The following HPSE2 variants were observed in gnomAD, a reference collection of about 807,000 sequenced individuals.
HPSE2 encodes heparanase 2 (inactive), also known as inactive heparanase-2.
In HPSE2, 38 loss-of-function variants were observed where a neutral mutation model predicts 60.5. That is an observed-to-expected ratio of 0.63 (90% CI 0.48 to 0.82). The LOEUF is 0.82. Ranked by LOEUF, HPSE2 falls within the 40% of genes least tolerant of loss-of-function variation. HPSE2 has a pLI of 0.00. For missense variants in HPSE2, 713 were observed against 740.4 expected (o/e 0.96, Z 0.43); for synonymous variants, 295 against 293.2 (o/e 1.01, Z -0.06).
chr10:99,306,551 A>G, the HPSE2 span, among the ~76,000 whole-genome samples: 50 of 152,192 alleles, frequency 3.3e-4, no homozygotes, highest in African/African-American at 1.1e-3. Context: ...CTCTTGGTGT[A>G]TGTGTGGCAT....
intron 3 of HPSE2, among the ~76,000 whole-genome samples, chr10:99,090,690 A>G (rs911119561): frequency 2.6e-5 from 4 of 152,132 alleles, no homozygotes; most frequent in African/African-American, 9.6e-5. Flanking sequence ...TTCATCTGTT[A>G]TAACATTATT....
At chr10:98,555,955 A>G (rs1589415739) in intron 9 of HPSE2, among the ~76,000 whole-genome samples, 1 of 152,338 alleles carries the variant, frequency 6.6e-6, no homozygotes, top group South Asian at 2.1e-4. Flanking sequence ...CAGCCTTGAA[A>G]GCATACTAAG....
chr10:98,888,468 A>G (rs1953237284), intron 3 of HPSE2, among the ~76,000 whole-genome samples: 1 of 152,196 alleles, frequency 6.6e-6, no homozygotes, highest in African/African-American at 2.4e-5. Context: ...GTGAGCTTCT[A>G]TGAGAAAACA....
intron 11 of HPSE2, 93 bp downstream of exon 11, chr10:98,482,543 G>T: frequency 6.7e-7 from 1 of 1,503,322 alleles, no homozygotes; most frequent in Non-Finnish European, 9.2e-7. Context: ...CTGAGCCCTT[G>T]AGAGAATTAG....
At chr10:98,964,553 A>C (rs971956034) in intron 3 of HPSE2, among the ~76,000 whole-genome samples, 4 of 152,014 alleles carry the variant, frequency 2.6e-5, no homozygotes, top group Non-Finnish European at 5.9e-5. Flanking sequence ...CCCACCCACT[A>C]ATCACTCTAC....
rs1384670677 is a variant in HPSE2, at chr10:98,819,287, T to C, written c.611-75231A>G. On this transcript the variant is annotated intron_variant, in intron 3 of 11. Coordinates refer to ENST00000370552, the MANE Select transcript of HPSE2 (RefSeq NM_021828.5). ...TCAACACTGGGGCAATCCTCTGTAT[T>C]TGACACTCATCAGCCTCAACCAGTT... Among the ~76,000 whole-genome samples the C allele has an allele frequency of 2.6e-5, 4 of 152,192 alleles. No individual in the cohort carries two copies. The East Asian group carries it at 7.7e-4, about 29-fold the overall frequency.
intron 4 of HPSE2, among the ~76,000 whole-genome samples, chr10:98,735,967 A>T (rs1949346603): frequency 6.6e-6 from 1 of 152,058 alleles, no homozygotes; most frequent in Non-Finnish European, 1.5e-5. Context: ...GGAAGGCATG[A>T]TTGGTTTTTA....
At chr10:98,603,717 C>T (rs1008913238) in intron 9 of HPSE2, among the ~76,000 whole-genome samples, 8 of 152,036 alleles carry the variant, frequency 5.3e-5, no homozygotes, top group East Asian at 3.9e-4. Flanking sequence ...TGTGAGCCAC[C>T]GTGCCTGGCC....
chr10:99,150,078 G>A (rs955620682), intron 2 of HPSE2, among the ~76,000 whole-genome samples: 1 of 151,998 alleles, frequency 6.6e-6, no homozygotes, highest in Admixed American at 6.6e-5. Flanking sequence ...ACAATTCAAG[G>A]ATGCCAAAAT....
chr10:98,857,406 A>G (rs377531506), intron 3 of HPSE2, among the ~76,000 whole-genome samples: 13 of 152,152 alleles, frequency 8.5e-5, no homozygotes, highest in African/African-American at 1.7e-4. Flanking sequence ...CAGTCCTCCA[A>G]TTGTGAGTTC....
chr10:99,121,427 T>C (rs1239793434), intron 3 of HPSE2, among the ~76,000 whole-genome samples: 2 of 152,066 alleles, frequency 1.3e-5, no homozygotes, highest in Non-Finnish European at 2.9e-5. Context: ...CCTGCACATG[T>C]ACCACTGAAC....
intron 2 of HPSE2, among the ~76,000 whole-genome samples, chr10:99,198,057 G>A (rs927109120): frequency 6.7e-5 from 10 of 148,366 alleles, no homozygotes; most frequent in Non-Finnish European, 1.5e-4. Context: ...AACAGAGCAA[G>A]ACTCCGTCTC....
chr10:98,706,473 A>G (rs1948551610), intron 5 of HPSE2, among the ~76,000 whole-genome samples: 1 of 152,174 alleles, frequency 6.6e-6, no homozygotes, highest in South Asian at 2.1e-4. Flanking sequence ...GGAGACAGAA[A>G]TGTGGACAAG....
intron 2 of HPSE2, among the ~76,000 whole-genome samples, chr10:99,151,285 A>G: frequency 6.6e-6 from 1 of 152,122 alleles, no homozygotes. Flanking sequence ...GTGAATAGAA[A>G]TGACCTAACC....
At position 98,490,052 on chromosome 10, in the gene HPSE2, TGTG is replaced by T. The variant is rs1941585117; in HGVS notation, c.1462_1464del (p.His488del). The T allele has an allele frequency of 1.2e-6, 2 of 1,612,648 alleles. No individual in the cohort carries two copies. Among genetic ancestry groups the T allele is most frequent in the South Asian group, 2.2e-5 (2 of 91,078 alleles). ...TCTGCCATCTTTCTGAGGACTTACT[TGTG>T]GTGGTTTGTGCAGTGAGCATAAATC... On this transcript the variant is annotated inframe_deletion and splice_region_variant, in exon 10 of 12. Transcript: ENST00000370552.
intron 9 of HPSE2, among the ~76,000 whole-genome samples, chr10:98,538,990 A>G (rs1013493528): frequency 2.6e-5 from 4 of 152,218 alleles, no homozygotes; most frequent in African/African-American, 9.6e-5. Flanking sequence ...GTAGCCAGCA[A>G]CGTAGGCTGG....
chr10:99,109,196 T>G (rs760514688), intron 3 of HPSE2, among the ~76,000 whole-genome samples: 1 of 152,134 alleles, frequency 6.6e-6, no homozygotes, highest in Non-Finnish European at 1.5e-5. Flanking sequence ...AAGAAAGCAT[T>G]TTACAATGTA....
At chr10:98,615,072 C>G (rs769675229) in intron 8 of HPSE2, 54 bp from the exon 9 acceptor site, 4 of 1,303,150 alleles carry the variant, frequency 3.1e-6, no homozygotes, top group Non-Finnish European at 4.5e-6. Context: ...TGGCATATAA[C>G]AAGCTCTATA....
chr10:98,977,629 T>C (rs1029662486), intron 3 of HPSE2, among the ~76,000 whole-genome samples: 7 of 152,140 alleles, frequency 4.6e-5, no homozygotes, highest in Non-Finnish European at 1.0e-4. Flanking sequence ...TGGGACTTCA[T>C]TATAAAACAA....
Sources: gnomAD v4.1 joint callset for allele counts (sites outside exome capture counted in the v4.1 genomes callset) on GRCh38, gnomAD v4.1.1 for gene constraint, MANE v1.5 for transcripts, NCBI Gene and HGNC (gene_info 2026-07-23, HGNC 2026-07-21) for gene names.